Variants in DMBX1 observed in about 807,000 individuals in gnomAD.
The protein encoded by DMBX1 is diencephalon/mesencephalon homeobox 1.
Under a neutral mutation model 30.4 loss-of-function variants are expected in DMBX1, and 7 were observed. That is an observed-to-expected ratio of 0.23 (90% CI 0.13 to 0.43). The LOEUF (loss-of-function observed/expected upper bound fraction) is 0.43. Among genes scored for constraint, DMBX1 ranks in the 20% least tolerant of loss-of-function variants. The pLI is 1.00. For missense variants in DMBX1, 460 were observed against 508.5 expected, an observed-to-expected ratio of 0.90 and a Z score of 0.92; for synonymous variants, 222 against 214.2, an observed-to-expected ratio of 1.04 and a Z score of -0.32.
At chr1:46,492,887 G>A (rs1271612804) in intron 2 of DMBX1, among the ~76,000 whole-genome samples, 3 of 152,102 alleles carry the variant, frequency 2.0e-5, no homozygotes, top group Non-Finnish European at 4.4e-5. Context: ...CAGACACCCC[G>A]TAGGACAACA....
Position 46,502,624 on chromosome 1 carries a change from C to T in DMBX1, c.-12-4375C>T, listed in dbSNP as rs181392384. ...ACCATAGGCCAGGTGTGGTGGTTCACGCCTGTAATTCCAGCACTTTGGGAG... is the reference window on the plus strand; with the variant it reads ...ACCATAGGCCAGGTGTGGTGGTTCATGCCTGTAATTCCAGCACTTTGGGAG... On this transcript the variant is annotated intron_variant, in intron 2 of 5. Transcript: ENST00000360032. 9.2e-5 allele frequency among the ~76,000 whole-genome samples: 14 copies of T among 152,266 alleles called. No individual in the cohort carries two copies. The East Asian group carries it at 1.7e-3, about 19-fold the overall frequency.
intron 2 of DMBX1, among the ~76,000 whole-genome samples, chr1:46,502,299 T>C (rs1666151304): frequency 6.6e-6 from 1 of 152,028 alleles, no homozygotes; most frequent in African/African-American, 2.4e-5. Flanking sequence ...AACTCAATGC[T>C]CTTCATTCAG....
chr1:46,490,563 G>A (rs942252), intron 1 of DMBX1, among the ~76,000 whole-genome samples, 81 bp from the exon 2 acceptor site: 128,384 of 152,144 alleles, frequency 0.84, 54,281 homozygotes, highest in South Asian at 0.89. Context: ...GGCCGCCCAC[G>A]CCCTCCCAGC....
chr1:46,492,360 C>G (rs1316948383), intron 2 of DMBX1, among the ~76,000 whole-genome samples: 1 of 152,228 alleles, frequency 6.6e-6, no homozygotes, highest in African/African-American at 2.4e-5. Context: ...ACTTGACACC[C>G]TGTGGGCACA....
intron 3 of DMBX1, 115 bp downstream of exon 3, chr1:46,507,279 A>G: frequency 7.5e-7 from 1 of 1,338,060 alleles, no homozygotes; most frequent in Middle Eastern, 2.5e-4. Flanking sequence ...GGGGCTCAAA[A>G]AGACTCAGGT....
intron 2 of DMBX1, among the ~76,000 whole-genome samples, chr1:46,505,313 C>T (rs200424051): frequency 0.12 from 17,934 of 145,482 alleles, 1,062 homozygotes; most frequent in East Asian, 0.18. Context: ...ATGTTTACTG[C>T]GGCATTATTC....
rs2148493473 is a variant in DMBX1, at chr1:46,513,749, A to T, written c.*1255A>T. 1 of 152,344 alleles carries T rather than the reference A, an allele frequency of 6.6e-6. No homozygotes were observed. Among genetic ancestry groups the T allele is most frequent in the African/African-American group, 2.4e-5 (1 of 41,562 alleles). The allele number at this position is 152,344 out of a possible 1,614,324, so 9.4% of individuals were successfully genotyped here. A position where few individuals can be genotyped will look rare whatever the true frequency, so the allele number is the denominator to read the frequency against. On this transcript the variant is annotated 3_prime_UTR_variant, in exon 6 of 6. Coordinates refer to ENST00000360032, the MANE Select transcript of DMBX1 (RefSeq NM_172225.2). Reference sequence around the variant, plus strand: ...ACGGCTGACCAGGAATGAAGGTTGAACTCTGCTCCTGAGCACGGTGCGTGC... The same window carrying T: ...ACGGCTGACCAGGAATGAAGGTTGATCTCTGCTCCTGAGCACGGTGCGTGC...
rs1666217896 is a variant in DMBX1 at position 46,505,585 on chromosome 1, C to T, written c.-12-1414C>T. On this transcript the variant is annotated intron_variant, in intron 2 of 5. Coordinates refer to ENST00000360032, the MANE Select transcript of DMBX1 (RefSeq NM_172225.2). ...TGGACACAGGAAGGGGAATATCACA[C>T]TCTGGGGACTGTTGTGGGGTTGGGG... Among the ~76,000 whole-genome samples, 4 of 148,952 alleles carry T rather than the reference C, an allele frequency of 2.7e-5. No individual in the cohort carries two copies. In the South Asian group the frequency reaches 8.7e-4, roughly 32 times the overall value.
In DMBX1 at chr1:46,514,573, T is replaced by C. The variant is rs1666453694; in HGVS notation, c.*2079T>C. ...GTGCCAGCCTCTGGAGTCACTCCAT[T>C]TTCATACCTTTTCATGATCTCAGGG... is the stretch of plus-strand genomic sequence containing the variant. On this transcript the variant is annotated 3_prime_UTR_variant, in exon 6 of 6. Transcript: ENST00000360032. Among the ~76,000 whole-genome samples, 1 of 152,080 alleles carries C rather than the reference T, an allele frequency of 6.6e-6. No homozygotes were observed. The highest frequency in any genetic ancestry group is 2.4e-5 in the African/African-American group (1 of 41,392).
chr1:46,507,009 C>T lies in DMBX1; in HGVS notation c.-2C>T. 23 of 1,614,058 alleles carry T rather than the reference C, an allele frequency of 1.4e-5. No individual in the cohort carries two copies. The highest frequency in any genetic ancestry group is 1.9e-5 in the Non-Finnish European group (23 of 1,179,948). On this transcript the variant is annotated 5_prime_UTR_variant, in exon 3 of 6. Coordinates refer to ENST00000360032, the MANE Select transcript of DMBX1 (RefSeq NM_172225.2). ...CTTTTCCGTCTGTAGGCGGATGCCG[C>T]CATGCAGCACTACGGGGTGAACGGC...
rs1352865383 is a variant in DMBX1 at position 46,513,834 on chromosome 1, A to G, written c.*1340A>G. On this transcript the variant is annotated 3_prime_UTR_variant, in exon 6 of 6. Transcript: ENST00000360032. ...TAGGCTTCCTGTCCCAGAGCCAATT[A>G]TGGAAGTAAGGGCTTCCCTCCAGCT... 1 of 152,296 alleles carries G rather than the reference A, an allele frequency of 6.6e-6. No homozygotes were observed. Among genetic ancestry groups the G allele is most frequent in the Non-Finnish European group, 1.5e-5 (1 of 68,086 alleles). 9.4% of individuals were successfully genotyped at this position (152,296 alleles called of 1,614,324 possible).
intron 2 of DMBX1, among the ~76,000 whole-genome samples, chr1:46,504,008 A>G (rs1666183426): frequency 6.6e-6 from 1 of 152,204 alleles, no homozygotes; most frequent in African/African-American, 2.4e-5. Flanking sequence ...CCTTGGAACA[A>G]TTGGCCGTGA....
chr1:46,511,058 C>G lies in DMBX1; in HGVS notation c.457C>G (p.Pro153Ala). The G allele has an allele frequency of 3.7e-6, 6 of 1,614,096 alleles. No individual in the cohort carries two copies. The highest frequency in any genetic ancestry group is 5.1e-6 in the Non-Finnish European group (6 of 1,179,998). ...GGAAGGCAAGGCCGAGGCCCCCACT[C>G]CAGATACCCAGCTGGACACTGAGCA... ...HGEGKAEAPT[P>A]DTQLDTEQPP... Residue 153 changes from proline to alanine, a missense_variant, in exon 5 of 6, where the codon CCA becomes GCA. Pro to Ala is a conservative substitution (Grantham distance 27). This residue lies in a region of DMBX1 where 334 missense variants were observed against 345.1 expected (regional missense o/e 0.97). Transcript: ENST00000360032.
intron 3 of DMBX1, among the ~76,000 whole-genome samples, chr1:46,508,134 C>T (rs1199211299): frequency 6.6e-6 from 1 of 151,638 alleles, no homozygotes; most frequent in Non-Finnish European, 1.5e-5. Flanking sequence ...CAGGTCCAGC[C>T]TTGAGCAGCT....
intron 1 of DMBX1, among the ~76,000 whole-genome samples, 167 bp downstream of exon 1, chr1:46,490,044 A>G (rs1557782514): frequency 1.3e-5 from 2 of 152,174 alleles, no homozygotes; most frequent in Non-Finnish European, 2.9e-5. Context: ...GGACTAGGAG[A>G]CAGACAGACA....
chr1:46,507,156 G>C lies in DMBX1; in HGVS notation c.146G>C (p.Arg49Pro). 6.2e-7 allele frequency: 1 copy of C among 1,614,150 alleles called. No homozygotes were observed. The highest frequency in any genetic ancestry group is 8.5e-7 in the Non-Finnish European group (1 of 1,180,020). Residue 49 changes from arginine (R) to proline (P), a missense_variant, in exon 3 of 6, where the codon CGC becomes CCC. By Grantham distance (103) the Arg-to-Pro change is moderately radical (BLOSUM62 -2). This residue lies in a region of DMBX1 where 124 missense variants were observed against 144.0 expected (regional missense o/e 0.86). Transcript: ENST00000360032. ...PSVHALTLAE[R>P]LADIILEARY... is the part of the protein sequence containing the mutation. ...GTGCATGCGCTTACATTGGCTGAGC[G>C]CCTGGCTGGTAAGGGCCCTGGGGAT...
chr1:46,502,350 T>G (rs1021356515), intron 2 of DMBX1, among the ~76,000 whole-genome samples: 26 of 114,718 alleles, frequency 2.3e-4, no homozygotes, highest in Middle Eastern at 4.0e-3. Context: ...GATGGAAACC[T>G]GAGTTATCCT....
At chr1:46,511,929 A>T in intron 5 of DMBX1, 114 bp from the exon 6 acceptor site, 1 of 1,071,264 alleles carries the variant, frequency 9.3e-7, no homozygotes, top group Admixed American at 2.2e-5. Context: ...ATGTGGTTTC[A>T]GCCGAAGCCT....
chr1:46,491,247 A>G lies in DMBX1; in HGVS notation c.-13+464A>G, dbSNP rs973448878. On this transcript the variant is annotated intron_variant, in intron 2 of 5. Transcript: ENST00000360032. The surrounding 1 kb of genome is among the most constrained non-coding windows in gnomAD (Gnocchi z 5.5). ...AGGCAGTGGGCTCCTCAGGCTTGTG[A>G]TTTGCGGCAGGAAGGAGTCCCGGAA... is the stretch of plus-strand genomic sequence containing the variant. Among the ~76,000 whole-genome samples, 1 of 152,014 alleles carries G rather than the reference A, an allele frequency of 6.6e-6. No individual in the cohort carries two copies. The highest frequency in any genetic ancestry group is 6.6e-5 in the Admixed American group (1 of 15,250).
Sources: allele counts gnomAD v4.1 joint callset (sites outside exome capture counted in the v4.1 genomes callset), GRCh38; gene constraint gnomAD v4.1.1; regional missense constraint gnomAD v4.1.1; non-coding constraint Gnocchi (gnomAD v3.1); transcripts MANE v1.5; gene names NCBI Gene and HGNC (gene_info 2026-07-23, HGNC 2026-07-21).